The following COX7B2 variants were observed in gnomAD, a reference collection of about 807,000 sequenced individuals.
COX7B2 encodes the protein cytochrome c oxidase subunit 7B2, mitochondrial.
For synonymous variants in COX7B2, 37 were observed against 32.1 expected (o/e 1.15, Z -0.51); for missense variants, 109 against 95.9 (o/e 1.14, Z -0.57).
At chr4:46,832,634 A>C (rs1293972644) in intron 2 of COX7B2, among the ~76,000 whole-genome samples, 1 of 152,152 alleles carries the variant, frequency 6.6e-6, no homozygotes, top group African/African-American at 2.4e-5. Context: ...GGTGGTATCT[A>C]GAGGGAGGTG....
At chr4:46,767,821 T>G (rs1345948882) in intron 2 of COX7B2, among the ~76,000 whole-genome samples, 1 of 152,238 alleles carries the variant, frequency 6.6e-6, no homozygotes, top group African/African-American at 2.4e-5. Context: ...ACTTCTGATA[T>G]TCAATAAAAT....
In COX7B2 at chr4:46,852,563, TACACAC is replaced by T. The variant is rs113148039; in HGVS notation, c.-104-7555_-104-7550del. Among the ~76,000 whole-genome samples, 713 of 145,790 alleles carry T rather than the reference TACACAC, an allele frequency of 4.9e-3. 10 individuals are homozygous for T. The highest frequency in any genetic ancestry group is 0.017 in the African/African-American group (682 of 40,100). On this transcript the variant is annotated intron_variant, in intron 1 of 2. Coordinates refer to ENST00000355591, the MANE Select transcript of COX7B2 (RefSeq NM_130902.3). ...GGTTATATAAATATGAATACACAAA[TACACAC>T]ACACACACACACACACACACAGAGC...
chr4:46,795,202 A>C (rs891508738), intron 2 of COX7B2, among the ~76,000 whole-genome samples: 13 of 124,540 alleles, frequency 1.0e-4, no homozygotes, highest in East Asian at 2.2e-4. Context: ...TCTTTAGTTT[A>C]ATTAGATCCC....
At chr4:46,823,100 C>G (rs995160401) in intron 2 of COX7B2, among the ~76,000 whole-genome samples, 2 of 151,984 alleles carry the variant, frequency 1.3e-5, no homozygotes, top group Admixed American at 6.6e-5. Context: ...TGTTTTATAG[C>G]CTTTTGTTCC....
At position 46,777,761 on chromosome 4, in the gene COX7B2, T is replaced by G. The variant is rs564620875; in HGVS notation, c.-49-42520A>C. ...GAGTTATCATGGAATAGCTGGACAT[T>G]GCAGCTGGTTCAGTCCTTAACTAGC... On this transcript the variant is annotated intron_variant, in intron 2 of 2. Coordinates refer to ENST00000355591, the MANE Select transcript of COX7B2 (RefSeq NM_130902.3). Among the ~76,000 whole-genome samples the G allele has an allele frequency of 5.3e-5, 8 of 152,264 alleles. No individual in the cohort carries two copies. The East Asian group carries it at 1.5e-3, about 29-fold the overall frequency.
chr4:46,789,951 C>G (rs1717950163), intron 2 of COX7B2, among the ~76,000 whole-genome samples: 1 of 151,642 alleles, frequency 6.6e-6, no homozygotes, highest in East Asian at 1.9e-4. Flanking sequence ...GGAATTGTGA[C>G]TTAGTAACTG....
At chr4:46,750,674 C>G (rs1279745967) in intron 2 of COX7B2, among the ~76,000 whole-genome samples, 1 of 152,082 alleles carries the variant, frequency 6.6e-6, no homozygotes, top group South Asian at 2.1e-4. Flanking sequence ...ATACTAGAGC[C>G]TGCATGGCTT....
At chr4:46,749,732 G>A (rs188169105) in intron 2 of COX7B2, among the ~76,000 whole-genome samples, 6 of 152,260 alleles carry the variant, frequency 3.9e-5, no homozygotes, top group Admixed American at 2.0e-4. Flanking sequence ...TTTCACTGAT[G>A]AGATGAATGA....
At chr4:46,780,396 T>A (rs59968890) in intron 2 of COX7B2, among the ~76,000 whole-genome samples, 52,727 of 151,978 alleles carry the variant, frequency 0.35, 9,340 homozygotes, top group South Asian at 0.48. Context: ...GGGTGCCTAT[T>A]GTCCCAGCTA....
intron 1 of COX7B2, among the ~76,000 whole-genome samples, chr4:46,907,249 C>T (rs1468823111): frequency 6.6e-6 from 1 of 152,134 alleles, no homozygotes; most frequent in Non-Finnish European, 1.5e-5. Context: ...AACTTCAAAT[C>T]TCATTTTCTA....
intron 2 of COX7B2, among the ~76,000 whole-genome samples, chr4:46,797,248 G>C (rs1322269613): frequency 2.0e-5 from 3 of 152,024 alleles, no homozygotes; most frequent in African/African-American, 7.2e-5. Flanking sequence ...GTACACTGGG[G>C]AAAAGGTAAA....
intron 2 of COX7B2, among the ~76,000 whole-genome samples, chr4:46,836,535 T>C (rs1715526696): frequency 6.6e-6 from 1 of 151,986 alleles, no homozygotes; most frequent in Admixed American, 6.6e-5. Flanking sequence ...AGAACAATGC[T>C]TTCTTCTGGA....
chr4:46,851,510 A>G (rs1222771556), intron 1 of COX7B2, among the ~76,000 whole-genome samples: 2 of 152,090 alleles, frequency 1.3e-5, no homozygotes, highest in Non-Finnish European at 2.9e-5. Context: ...TTACATAACA[A>G]AAGTACAGGA....
chr4:46,814,910 G>T (rs1466714916), intron 2 of COX7B2, among the ~76,000 whole-genome samples: 2 of 152,090 alleles, frequency 1.3e-5, no homozygotes, highest in Non-Finnish European at 2.9e-5. Flanking sequence ...TGAGGGCCAG[G>T]CACGTTGGCT....
intron 2 of COX7B2, among the ~76,000 whole-genome samples, chr4:46,746,953 A>G (rs1478448664): frequency 6.6e-6 from 1 of 152,236 alleles, no homozygotes; most frequent in Non-Finnish European, 1.5e-5. Context: ...TCAGCAGAAG[A>G]GGCAGATAAT....
At chr4:46,886,960 C>T (rs1205181142) in intron 1 of COX7B2, among the ~76,000 whole-genome samples, 1 of 152,144 alleles carries the variant, frequency 6.6e-6, no homozygotes, top group Non-Finnish European at 1.5e-5. Context: ...AAATCGCAGA[C>T]ATATTTTAAA....
At chr4:46,900,681 G>T (rs1476900488) in intron 1 of COX7B2, among the ~76,000 whole-genome samples, 2 of 152,100 alleles carry the variant, frequency 1.3e-5, no homozygotes, top group African/African-American at 4.8e-5. Context: ...CCTTTGATAG[G>T]TCACCCTCAT....
intron 2 of COX7B2, among the ~76,000 whole-genome samples, chr4:46,748,248 A>C (rs1305870486): frequency 6.6e-6 from 1 of 152,228 alleles, no homozygotes; most frequent in African/African-American, 2.4e-5. Context: ...AATTATCTTA[A>C]AAGCCTACAA....
chr4:46,748,919 C>T (rs10029471), intron 2 of COX7B2, among the ~76,000 whole-genome samples: 49,776 of 151,950 alleles, frequency 0.33, 8,425 homozygotes, highest in South Asian at 0.47. Flanking sequence ...ATGACTCCCA[C>T]GTTATATCTG....
Sources: allele counts gnomAD v4.1 joint callset (sites outside exome capture counted in the v4.1 genomes callset), GRCh38; gene constraint gnomAD v4.1.1; transcripts MANE v1.5; gene names NCBI Gene and HGNC (gene_info 2026-07-23, HGNC 2026-07-21).